Variants in GRM1 observed in about 807,000 individuals in gnomAD.
GRM1 encodes the protein metabotropic glutamate receptor 1.
Under a neutral mutation model 90.9 loss-of-function variants are expected in GRM1, and 33 were observed. That is an observed-to-expected ratio of 0.36 (90% CI 0.28 to 0.49). The LOEUF (loss-of-function observed/expected upper bound fraction) is 0.49. Among genes scored for constraint, GRM1 ranks in the 20% least tolerant of loss-of-function variants. The probability of loss-of-function intolerance (pLI) is 0.99; values close to 1 mark genes in which losing one functional copy is unlikely to be tolerated. For missense variants in GRM1, 1,190 were observed against 1,534.3 expected (o/e 0.78, Z 3.75); for synonymous variants, 700 against 613.2 (o/e 1.14, Z -2.09).
chr6:146,169,906 G>A (rs1242911000), intron 2 of GRM1, among the ~76,000 whole-genome samples: 1 of 152,194 alleles, frequency 6.6e-6, no homozygotes. Flanking sequence ...TATCATTATT[G>A]TCCTTTTTAT....
At chr6:146,157,892 C>G (rs1777576481) in intron 1 of GRM1, among the ~76,000 whole-genome samples, 1 of 151,598 alleles carries the variant, frequency 6.6e-6, no homozygotes, top group Non-Finnish European at 1.5e-5. Flanking sequence ...GAAATGACAA[C>G]CAAGCCAAAA....
chr6:146,433,954 G>C lies in GRM1; in HGVS notation c.2743G>C (p.Val915Leu), dbSNP rs1393383317. 8 of 1,613,888 alleles carry C rather than the reference G, an allele frequency of 5.0e-6. No individual in the cohort carries two copies. The highest frequency in any genetic ancestry group is 5.9e-6 in the Non-Finnish European group (7 of 1,179,904). ...ACAGCATATGTGGCACCGCCTCTCT[G>C]TGCACGTGAAGACCAATGAGACGGC... ...KGQHMWHRLS[V>L]HVKTNETACN... is the part of the protein sequence containing the mutation. Residue 915 changes from valine to leucine, a missense_variant, in exon 8 of 8, where the codon GTG becomes CTG. By Grantham distance (32) the Val-to-Leu change is conservative. Transcript: ENST00000282753.
At chr6:146,068,937 T>C (rs1386974570) in intron 1 of GRM1, among the ~76,000 whole-genome samples, 1 of 152,246 alleles carries the variant, frequency 6.6e-6, no homozygotes, top group African/African-American at 2.4e-5. Context: ...ACATTTCCTT[T>C]TAAATTTTTA....
At position 146,435,069 on chromosome 6, in the gene GRM1, A is replaced by G; in HGVS notation, c.*273A>G. On this transcript the variant is annotated 3_prime_UTR_variant, in exon 8 of 8. Transcript: ENST00000282753. ...GGGAATTCTGACAAAGCACAATTCCATATGGTATGTAACTTTTATCACAAA... is the reference window on the plus strand; with the variant it reads ...GGGAATTCTGACAAAGCACAATTCCGTATGGTATGTAACTTTTATCACAAA... 1.8e-6 allele frequency: 1 copy of G among 570,816 alleles called. No homozygotes were observed. The highest frequency in any genetic ancestry group is 2.0e-5 in the South Asian group (1 of 49,896). The allele number at this position is 570,816 out of a possible 1,614,324, so 35.4% of individuals were successfully genotyped here.
At chr6:146,193,056 G>C (rs1176588379) in intron 2 of GRM1, among the ~76,000 whole-genome samples, 1 of 152,114 alleles carries the variant, frequency 6.6e-6, no homozygotes, top group African/African-American at 2.4e-5. Context: ...CCAAGCGACT[G>C]GAAAAATGGA....
chr6:146,278,036 T>G (rs1374269650), intron 2 of GRM1, among the ~76,000 whole-genome samples: 1 of 152,166 alleles, frequency 6.6e-6, no homozygotes, highest in African/African-American at 2.4e-5. Flanking sequence ...TACCAAGTTT[T>G]CAACTTTCAG....
At chr6:146,313,482 T>A (rs1783844657) in intron 3 of GRM1, among the ~76,000 whole-genome samples, 1 of 152,216 alleles carries the variant, frequency 6.6e-6, no homozygotes, top group Admixed American at 6.5e-5. Flanking sequence ...TTAGATTGTT[T>A]CTATGGCATT....
intron 2 of GRM1, among the ~76,000 whole-genome samples, chr6:146,233,515 C>G (rs1220741726): frequency 1.3e-5 from 2 of 151,972 alleles, no homozygotes; most frequent in Non-Finnish European, 2.9e-5. Flanking sequence ...TTTACTTAAG[C>G]CAAAATATTT....
At chr6:146,053,122 AC>A (rs1562431618) in intron 1 of GRM1, among the ~76,000 whole-genome samples, 2 of 151,940 alleles carry the variant, frequency 1.3e-5, no homozygotes, top group African/African-American at 4.8e-5. Flanking sequence ...CTTCTTTTAT[AC>A]CCCTGGTTTA....
chr6:146,425,066 C>T (rs1223541266), intron 7 of GRM1, among the ~76,000 whole-genome samples: 2 of 152,106 alleles, frequency 1.3e-5, no homozygotes, highest in Admixed American at 6.5e-5. Context: ...AATGAAGTTA[C>T]ACCAAGGTGT....
chr6:146,295,469 G>C (rs1327554219), intron 2 of GRM1, among the ~76,000 whole-genome samples: 1 of 151,836 alleles, frequency 6.6e-6, no homozygotes, highest in Non-Finnish European at 1.5e-5. Context: ...CTGACCTCAG[G>C]TGATCTGCAC....
chr6:146,324,336 G>A (rs1002635278), intron 3 of GRM1, among the ~76,000 whole-genome samples: 20 of 152,240 alleles, frequency 1.3e-4, no homozygotes, highest in African/African-American at 4.6e-4. Flanking sequence ...AGCTCTGTGC[G>A]GGTGGCATCC....
At chr6:146,413,297 A>T (rs1325099531) in intron 7 of GRM1, among the ~76,000 whole-genome samples, 1 of 152,122 alleles carries the variant, frequency 6.6e-6, no homozygotes, top group African/African-American at 2.4e-5. Context: ...CTGGACATCC[A>T]AAATATATTT....
intron 6 of GRM1, among the ~76,000 whole-genome samples, chr6:146,396,379 A>G (rs1229210888): frequency 2.0e-5 from 3 of 152,198 alleles, no homozygotes; most frequent in Non-Finnish European, 4.4e-5. Flanking sequence ...GTGATCTTTC[A>G]TAAGTTGACA....
chr6:146,257,754 T>G (rs913672777), intron 2 of GRM1, among the ~76,000 whole-genome samples: 1 of 152,060 alleles, frequency 6.6e-6, no homozygotes, highest in African/African-American at 2.4e-5. Context: ...TTTCATCTTT[T>G]TTTTTGATTC....
intron 2 of GRM1, among the ~76,000 whole-genome samples, chr6:146,260,681 C>T (rs1781657203): frequency 6.6e-6 from 1 of 151,858 alleles, no homozygotes; most frequent in African/African-American, 2.4e-5. Flanking sequence ...ATCTCATCTC[C>T]GTTTTGATTT....
intron 1 of GRM1, among the ~76,000 whole-genome samples, chr6:146,137,211 C>T (rs945102568): frequency 6.6e-6 from 1 of 152,128 alleles, no homozygotes; most frequent in African/African-American, 2.4e-5. Flanking sequence ...GTTGCCTATT[C>T]TTGTGGAGTA....
intron 5 of GRM1, among the ~76,000 whole-genome samples, chr6:146,372,964 T>C (rs1029282162): frequency 6.6e-6 from 1 of 152,120 alleles, no homozygotes; most frequent in Non-Finnish European, 1.5e-5. Context: ...TGTGGTTCTA[T>C]ACAAACTTTA....
intron 2 of GRM1, among the ~76,000 whole-genome samples, chr6:146,176,908 C>T (rs1198800917): frequency 6.6e-6 from 1 of 152,012 alleles, no homozygotes; most frequent in Non-Finnish European, 1.5e-5. Flanking sequence ...GTTACTTAAC[C>T]TTTCTCTAAA....
Sources: gnomAD v4.1 joint callset for allele counts (sites outside exome capture counted in the v4.1 genomes callset) on GRCh38, gnomAD v4.1.1 for gene constraint, MANE v1.5 for transcripts, NCBI Gene and HGNC (gene_info 2026-07-23, HGNC 2026-07-21) for gene names.